Variants in ERP44 observed in about 807,000 individuals in gnomAD.
ERP44 encodes endoplasmic reticulum protein 44, also known as endoplasmic reticulum resident protein 44.
Under a neutral mutation model 53.4 loss-of-function variants are expected in ERP44, and 25 were observed. That is an observed-to-expected ratio of 0.47 (90% confidence interval 0.34 to 0.65). The LOEUF (loss-of-function observed/expected upper bound fraction) is 0.65. Ranked by LOEUF, ERP44 falls within the 30% of genes least tolerant of loss-of-function variation. The pLI, the probability that ERP44 is intolerant of heterozygous loss-of-function variation, is 0.01. For missense variants in ERP44, 338 were observed against 493.2 expected, an observed-to-expected ratio of 0.69 and a Z score of 2.98; for synonymous variants, 145 against 161.2, an observed-to-expected ratio of 0.90 and a Z score of 0.76.
Position 99,980,794 on chromosome 9 carries a change from T to A in ERP44, c.*1818A>T, listed in dbSNP as rs1228701780. The A allele has an allele frequency of 2.0e-5, 3 of 152,216 alleles. No homozygotes were observed. The highest frequency in any genetic ancestry group is 4.4e-5 in the Non-Finnish European group (3 of 68,034). 9.4% of individuals were successfully genotyped at this position (152,216 alleles called of 1,614,324 possible). A position where few individuals can be genotyped will look rare whatever the true frequency, so the allele number is the denominator to read the frequency against. On this transcript the variant is annotated 3_prime_UTR_variant, in exon 12 of 12. Coordinates refer to ENST00000262455, the MANE Select transcript of ERP44 (RefSeq NM_015051.3). ...AATATGCATGAATGCTAAGTAATAC[T>A]TCCTCAAATCAACTCCCTTTTTAAC...
intron 4 of ERP44, among the ~76,000 whole-genome samples, chr9:100,029,034 G>C (rs1339524561): frequency 6.6e-6 from 1 of 152,036 alleles, no homozygotes; most frequent in Non-Finnish European, 1.5e-5. Context: ...ATCAACTCAA[G>C]ATGGATTAAA....
At chr9:100,077,034 C>T (rs913738254) in intron 1 of ERP44, among the ~76,000 whole-genome samples, 1 of 152,232 alleles carries the variant, frequency 6.6e-6, no homozygotes, top group African/African-American at 2.4e-5. Flanking sequence ...AATAAGGCAC[C>T]TTTCCTCAGG....
chr9:99,997,313 T>G (rs1830322766), intron 10 of ERP44, among the ~76,000 whole-genome samples: 2 of 152,152 alleles, frequency 1.3e-5, no homozygotes, highest in Non-Finnish European at 2.9e-5. Context: ...TTTTTAAAAT[T>G]TTTTTATTAT....
At position 99,981,329 on chromosome 9, in the gene ERP44, AATTTT is replaced by A. The variant is rs1266310517; in HGVS notation, c.*1278_*1282del. On this transcript the variant is annotated 3_prime_UTR_variant, in exon 12 of 12. Coordinates refer to ENST00000262455, the MANE Select transcript of ERP44 (RefSeq NM_015051.3). ...TCATTAAATATCCATTATAAATATT[AATTTT>A]ATTTTAAAAGAATTGGAAGATGTTA... 5.9e-5 allele frequency: 9 copies of A among 152,696 alleles called. No homozygotes were observed. The highest frequency in any genetic ancestry group is 2.1e-4 in the South Asian group (1 of 4,824). The allele number at this position is 152,696 out of a possible 1,614,324, so 9.5% of individuals were successfully genotyped here.
intron 10 of ERP44, among the ~76,000 whole-genome samples, chr9:99,989,510 G>C (rs987821260): frequency 1.3e-5 from 2 of 152,116 alleles, no homozygotes; most frequent in African/African-American, 4.8e-5. Context: ...TCAACAAAAA[G>C]GACATTCACA....
intron 1 of ERP44, among the ~76,000 whole-genome samples, chr9:100,096,530 A>G (rs1280888727): frequency 6.6e-6 from 1 of 152,146 alleles, no homozygotes; most frequent in Non-Finnish European, 1.5e-5. Flanking sequence ...CTTTGAGATC[A>G]GGGAAAAGAT....
At chr9:100,065,102 G>A (rs564761944) in intron 1 of ERP44, among the ~76,000 whole-genome samples, 1 of 152,266 alleles carries the variant, frequency 6.6e-6, no homozygotes, top group South Asian at 2.1e-4. Flanking sequence ...ATCACTCACT[G>A]ACTCACCCAG....
intron 1 of ERP44, among the ~76,000 whole-genome samples, chr9:100,080,013 T>C (rs1826407021): frequency 6.6e-6 from 1 of 152,144 alleles, no homozygotes; most frequent in South Asian, 2.1e-4. Flanking sequence ...TGTATTATTG[T>C]TTAATTTCCT....
rs575820905 is a variant in ERP44 at position 100,019,380 on chromosome 9, TA to T, written c.588-1068del. On this transcript the variant is annotated intron_variant, in intron 6 of 11. Transcript: ENST00000262455. The stretch of plus-strand genomic sequence containing the variant: ...GCAACATGGTGAGACCTCAATCGCT[TA>T]AAAAACAAAAAACTGATAATGCGCA... 8.6e-5 allele frequency among the ~76,000 whole-genome samples: 13 copies of T among 151,984 alleles called. No homozygotes were observed. In the South Asian group the frequency reaches 2.7e-3, roughly 31 times the overall value.
intron 4 of ERP44, among the ~76,000 whole-genome samples, chr9:100,044,440 G>A (rs1825946840): frequency 6.6e-6 from 1 of 151,568 alleles, no homozygotes; most frequent in Non-Finnish European, 1.5e-5. Context: ...GGACAGAACA[G>A]TATGAACATA....
At chr9:100,006,266 A>T (rs561251590) in intron 10 of ERP44, among the ~76,000 whole-genome samples, 19 of 152,274 alleles carry the variant, frequency 1.2e-4, no homozygotes, top group African/African-American at 4.6e-4. Flanking sequence ...CTAATCATCC[A>T]AGCATTCATT....
At chr9:99,983,414 G>A (rs1053189161) in intron 11 of ERP44, among the ~76,000 whole-genome samples, 2 of 151,440 alleles carry the variant, frequency 1.3e-5, no homozygotes, top group African/African-American at 2.4e-5. Context: ...GCGCGGTGGC[G>A]GGCGCCTGTA....
chr9:100,095,968 T>A (rs1261482088), intron 1 of ERP44, among the ~76,000 whole-genome samples: 1 of 152,178 alleles, frequency 6.6e-6, no homozygotes, highest in East Asian at 1.9e-4. Context: ...AGCAAACTTT[T>A]CTTGACTACC....
chr9:100,068,757 C>T (rs2118731433), intron 1 of ERP44, among the ~76,000 whole-genome samples: 1 of 151,950 alleles, frequency 6.6e-6, no homozygotes, highest in East Asian at 2.0e-4. Flanking sequence ...TGAGGAGCCC[C>T]TCTGCCCGGC....
chr9:100,034,997 G>C (rs1179313272), intron 4 of ERP44, among the ~76,000 whole-genome samples: 1 of 152,080 alleles, frequency 6.6e-6, no homozygotes, highest in African/African-American at 2.4e-5. Context: ...TCAATAAATG[G>C]TATTGGAATA....
At chr9:100,060,026 T>G (rs1826125927) in intron 2 of ERP44, 74 bp downstream of exon 2, 8 of 996,232 alleles carry the variant, frequency 8.0e-6, no homozygotes, top group East Asian at 4.1e-5. Context: ...TTTTATTGGG[T>G]TTTTTTTTTG....
chr9:99,992,696 G>T (rs1830268638), intron 10 of ERP44, among the ~76,000 whole-genome samples: 2 of 152,134 alleles, frequency 1.3e-5, no homozygotes, highest in African/African-American at 4.8e-5. Flanking sequence ...GAAATAAAGG[G>T]TATTCAATTA....
intron 2 of ERP44, among the ~76,000 whole-genome samples, chr9:100,058,559 T>G (rs1826109668): frequency 6.6e-6 from 1 of 152,252 alleles, no homozygotes; most frequent in South Asian, 2.1e-4. Flanking sequence ...AAGACCTGTA[T>G]AACTAAGTTA....
chr9:100,034,435 C>T (rs1023497319), intron 4 of ERP44, among the ~76,000 whole-genome samples: 2 of 152,106 alleles, frequency 1.3e-5, no homozygotes, highest in Non-Finnish European at 2.9e-5. Flanking sequence ...AATAATCCAC[C>T]CTTTGTTTAG....
Sources: allele counts gnomAD v4.1 joint callset (sites outside exome capture counted in the v4.1 genomes callset), GRCh38; gene constraint gnomAD v4.1.1; transcripts MANE v1.5; gene names NCBI Gene and HGNC (gene_info 2026-07-23, HGNC 2026-07-21).